Variants in GBP1 observed in about 807,000 individuals in gnomAD.
GBP1 encodes the protein guanylate binding protein 1.
GBP1 carries 64 observed loss-of-function variants against 69.5 expected under a neutral mutation model. The observed-to-expected ratio is 0.92, with a 90% confidence interval of 0.75 to 1.13. The LOEUF is 1.13. Among genes scored for constraint, GBP1 ranks in the 50% most tolerant of loss-of-function variants. The pLI, the probability that GBP1 is intolerant of heterozygous loss-of-function variation, is 0.00. For missense variants in GBP1, 630 were observed against 704.1 expected (o/e 0.89, Z 1.19); for synonymous variants, 250 against 261.2 (o/e 0.96, Z 0.41).
intron 5 of GBP1, 159 bp from the exon 6 acceptor site, chr1:89,058,393 T>C: frequency 1.6e-6 from 1 of 634,014 alleles, no homozygotes; most frequent in Non-Finnish European, 2.7e-6. Flanking sequence ...AATATGTAAA[T>C]GAATGGGCAT....
intron 2 of GBP1, among the ~76,000 whole-genome samples, chr1:89,062,276 C>T (rs1448353925): frequency 6.6e-6 from 1 of 152,148 alleles, no homozygotes; most frequent in East Asian, 1.9e-4. Flanking sequence ...TGTCCATTGA[C>T]AGATGAAGAG....
At chr1:89,064,271 G>C (rs1428713982) in intron 1 of GBP1, among the ~76,000 whole-genome samples, 2 of 149,894 alleles carry the variant, frequency 1.3e-5, no homozygotes, top group Non-Finnish European at 3.0e-5. Flanking sequence ...GAGAGAGAGA[G>C]AGAGGAGCTG....
In GBP1 at chr1:89,063,172, C is replaced by T. The variant is rs111920124; in HGVS notation, c.63G>A (p.Leu21=). 3,182 of 1,614,122 alleles carry T rather than the reference C, an allele frequency of 2.0e-3. 40 individuals carry two copies. The African/African-American group carries it at 0.033, about 17-fold the overall frequency. ...TCTTCAGAGCTTCTGGATTCGCCAT[C>T]AGTCGCCCATTAGTGTTCTCAATGA... ...MCLIENTNGR[L]MANPEALKIL... The change falls in exon 2 of 11, where the codon CTG becomes CTA. Residue 21 remains leucine, a synonymous_variant. Coordinates refer to ENST00000370473, the MANE Select transcript of GBP1 (RefSeq NM_002053.3).
chr1:89,058,789 A>G (rs1680107668), intron 5 of GBP1, 52 bp downstream of exon 5: 2 of 1,589,784 alleles, frequency 1.3e-6, no homozygotes, highest in Admixed American at 1.7e-5. Context: ...CTGAAAAATG[A>G]TAATTTCTTG....
Position 89,063,226 on chromosome 1 carries a change from T to C in GBP1, c.9A>G (p.Ser3=). The part of the protein sequence containing the change: MA[S]EIHMTGPMCL... ...ACATTGGGCCTGTCATGTGGATCTC[T>C]GATGCCATGTCCAGGCTGTTCCCTT... Residue 3 remains serine (S), a synonymous_variant, in exon 2 of 11, where the codon TCA becomes TCG. Transcript: ENST00000370473. 1 of 1,613,916 alleles carries C rather than the reference T, an allele frequency of 6.2e-7. No homozygotes were observed. Among genetic ancestry groups the C allele is most frequent in the Non-Finnish European group, 8.5e-7 (1 of 1,179,820 alleles).
intron 1 of GBP1, among the ~76,000 whole-genome samples, chr1:89,064,406 T>A (rs1570285718): frequency 6.6e-6 from 1 of 152,102 alleles, no homozygotes; most frequent in East Asian, 1.9e-4. Flanking sequence ...ATATTTTCTG[T>A]AGAGATGCAT....
chr1:89,057,460 T>C (rs927478707), intron 6 of GBP1, among the ~76,000 whole-genome samples: 2 of 152,248 alleles, frequency 1.3e-5, no homozygotes, highest in African/African-American at 4.8e-5. Flanking sequence ...CTATTTCATT[T>C]ATATCTGTAT....
chr1:89,062,931 A>G (rs1680236040), intron 2 of GBP1, 114 bp downstream of exon 2: 2 of 1,299,002 alleles, frequency 1.5e-6, no homozygotes, highest in Non-Finnish European at 2.2e-6. Flanking sequence ...TGTGAATGGA[A>G]AGTTAGCTTT....
At chr1:89,054,132 C>T (rs1679984612) in intron 10 of GBP1, among the ~76,000 whole-genome samples, 1 of 151,464 alleles carries the variant, frequency 6.6e-6, no homozygotes, top group Non-Finnish European at 1.5e-5. Flanking sequence ...TGGAGTCTCG[C>T]TCTGTTGCCC....
At chr1:89,064,240 T>TGAGA (rs34743787) in intron 1 of GBP1, among the ~76,000 whole-genome samples, 1,693 of 99,952 alleles carry the variant, frequency 0.017, 55 homozygotes, top group African/African-American at 0.051. Flanking sequence ...TGTGTGTGTG[T>TGAGA]GAGAGAGAGA....
rs1402414189 is a variant in GBP1 at position 89,053,394 on chromosome 1, C to T, written c.1740G>A (p.Gln580=). ...RIMKNEIQDL[Q]TKMRRRKACT... is the part of the protein sequence containing the mutation. ...ATGCCTTTCGTCGTCTCATTTTCGT[C>T]TGGAGATCCTGTATCTCATTTTTCA... Residue 580 remains glutamine (Q), a synonymous_variant, in exon 11 of 11, where the codon CAG becomes CAA. Transcript: ENST00000370473. The T allele has an allele frequency of 3.1e-6, 5 of 1,613,602 alleles. No individual in the cohort carries two copies. The highest frequency in any genetic ancestry group is 3.3e-5 in the Admixed American group (2 of 59,970).
intron 10 of GBP1, among the ~76,000 whole-genome samples, chr1:89,054,015 G>A (rs1317210293): frequency 1.3e-5 from 2 of 152,152 alleles, no homozygotes; most frequent in African/African-American, 4.8e-5. Flanking sequence ...CTAGCTGTGT[G>A]AACTTAATTA....
intron 10 of GBP1, among the ~76,000 whole-genome samples, chr1:89,054,212 G>A (rs1679985953): frequency 6.6e-6 from 1 of 151,816 alleles, no homozygotes; most frequent in Non-Finnish European, 1.5e-5. Flanking sequence ...CCATTCTCCT[G>A]CCTCAGCTTC....
rs1158229628 is a variant in GBP1, at chr1:89,052,550, A to G, written c.*805T>C. 6.6e-6 allele frequency: 1 copy of G among 152,246 alleles called. No homozygotes were observed. Among genetic ancestry groups the G allele is most frequent in the Non-Finnish European group, 1.5e-5 (1 of 68,040 alleles). The allele number at this position is 152,246 out of a possible 1,614,324, so 9.4% of individuals were successfully genotyped here. A position where few individuals can be genotyped will look rare whatever the true frequency, so the allele number is the denominator to read the frequency against. On this transcript the variant is annotated 3_prime_UTR_variant, in exon 11 of 11. Coordinates refer to ENST00000370473, the MANE Select transcript of GBP1 (RefSeq NM_002053.3). ...ATCATAAGCTTTAACATTCTAAATA[A>G]TAAGTAATTGAATTATTTCAGTTTA...
chr1:89,063,841 A>G (rs577798700), intron 1 of GBP1, among the ~76,000 whole-genome samples: 1 of 152,306 alleles, frequency 6.6e-6, no homozygotes, highest in African/African-American at 2.4e-5. Flanking sequence ...ATTTTATAAA[A>G]CTATACAACC....
chr1:89,054,749 T>C lies in GBP1; in HGVS notation c.1598A>G (p.Glu533Gly), dbSNP rs763540159. 1.9e-6 allele frequency: 3 copies of C among 1,614,132 alleles called. No homozygotes were observed. In the African/African-American group the frequency reaches 4.0e-5, roughly 22 times the overall value. Reference sequence around the variant, plus strand: ...CTGGACCCTGTCGTTCTCCATCTTCTCAGTCAGTTGTTTCAAGTGTTCCTG... The same window carrying C: ...CTGGACCCTGTCGTTCTCCATCTTCCCAGTCAGTTGTTTCAAGTGTTCCTG... Reference protein sequence around the residue: ...SYQEHLKQLTEKMENDRVQLL... With the variant: ...SYQEHLKQLTGKMENDRVQLL... Residue 533 changes from glutamate (E) to glycine (G), a missense_variant, in exon 10 of 11, where the codon GAG (glutamate) becomes GGG (glycine). Physicochemically the swap from Glu to Gly is moderately conservative, Grantham distance 98. Transcript: ENST00000370473.
At chr1:89,062,458 T>C (rs905012619) in intron 2 of GBP1, among the ~76,000 whole-genome samples, 12 of 152,200 alleles carry the variant, frequency 7.9e-5, no homozygotes, top group African/African-American at 2.4e-4. Flanking sequence ...GTCAAATTCA[T>C]AGAGATAGAA....
intron 1 of GBP1, among the ~76,000 whole-genome samples, chr1:89,064,240 T>TGTGTGA (rs1243424526): frequency 2.6e-4 from 26 of 100,062 alleles, no homozygotes; most frequent in East Asian, 1.9e-3. Flanking sequence ...TGTGTGTGTG[T>TGTGTGA]GAGAGAGAGA....
At chr1:89,055,333 TG>T (rs1352167044) in intron 8 of GBP1, 118 bp from the exon 9 acceptor site, 3 of 1,515,464 alleles carry the variant, frequency 2.0e-6, no homozygotes, top group Non-Finnish European at 2.6e-6. Flanking sequence ...CTATTGTCCT[TG>T]GTGGTCAAAT....
Sources: gnomAD v4.1 joint callset for allele counts (sites outside exome capture counted in the v4.1 genomes callset) on GRCh38, gnomAD v4.1.1 for gene constraint, MANE v1.5 for transcripts, NCBI Gene and HGNC (gene_info 2026-07-23, HGNC 2026-07-21) for gene names.